The following BCHE variants were observed in gnomAD, a reference collection of about 807,000 sequenced individuals.
BCHE encodes the protein butyrylcholinesterase.
In BCHE, 48 loss-of-function variants were observed where a neutral mutation model predicts 51.3. The ratio of observed to expected loss-of-function variants is 0.94; its 90% CI spans 0.74 to 1.19. The LOEUF is 1.19. Among genes scored for constraint, BCHE ranks in the 50% most tolerant of loss-of-function variants. The pLI, the probability that BCHE is intolerant of heterozygous loss-of-function variation, is 0.00. For synonymous variants in BCHE, 251 were observed against 238.0 expected (o/e 1.05, Z -0.50); for missense variants, 847 against 708.2 (o/e 1.20, Z -2.23).
At chr3:165,829,383 AGCTTTGGTAC>A in intron 2 of BCHE, 124 bp downstream of exon 2, 1 of 813,904 alleles carries the variant, frequency 1.2e-6, no homozygotes, top group South Asian at 1.6e-5. Flanking sequence ...AAATAAAACC[AGCTTTGGTAC>A]AAATAGAACA....
At position 165,786,187 on chromosome 3, in the gene BCHE, G is replaced by T. The variant is rs747099939; in HGVS notation, c.1642C>A (p.Arg548=). The T allele has an allele frequency of 1.2e-6, 2 of 1,611,944 alleles. No homozygotes were observed. Among genetic ancestry groups the T allele is most frequent in the African/African-American group, 1.3e-5 (1 of 74,770 alleles). ...IMTKLRAQQC[R]FWTSFFPKVL... Reference sequence around the variant, plus strand: ...TTTGGAAAAAATGATGTCCAGAATCGACATTGTTGAGCACGTAGTTTCGTC... The same window carrying T: ...TTTGGAAAAAATGATGTCCAGAATCTACATTGTTGAGCACGTAGTTTCGTC... The change falls in exon 3 of 4, where the codon CGA becomes AGA. Residue 548 remains arginine (R), a synonymous_variant. Transcript: ENST00000264381.
chr3:165,797,182 CTCCTTCGTTCT>C (rs1713419235), intron 2 of BCHE, among the ~76,000 whole-genome samples: 1 of 100,784 alleles, frequency 9.9e-6, no homozygotes, highest in Non-Finnish European at 2.1e-5. Flanking sequence ...CCTTCCTTCC[CTCCTTCGTTCT>C]TCCCTCCCTT....
intron 2 of BCHE, among the ~76,000 whole-genome samples, chr3:165,806,422 C>T (rs1053264556): frequency 2.0e-5 from 3 of 152,124 alleles, no homozygotes; most frequent in Non-Finnish European, 2.9e-5. Flanking sequence ...GTATAGTTCT[C>T]ATTATGTGGT....
chr3:165,789,662 A>T (rs1484747804), intron 2 of BCHE, among the ~76,000 whole-genome samples: 1 of 152,172 alleles, frequency 6.6e-6, no homozygotes, highest in African/African-American at 2.4e-5. Context: ...AAAAGTCTAG[A>T]TGAAATCTTT....
At chr3:165,813,586 C>T (rs978777334) in intron 2 of BCHE, among the ~76,000 whole-genome samples, 3 of 151,726 alleles carry the variant, frequency 2.0e-5, no homozygotes, top group Admixed American at 6.6e-5. Context: ...CTTATCATTT[C>T]GATTCCTTTA....
chr3:165,773,773 T>C (rs557827842), intron 3 of BCHE, among the ~76,000 whole-genome samples: 53 of 138,398 alleles, frequency 3.8e-4, no homozygotes, highest in African/African-American at 1.3e-3. Flanking sequence ...ATATATTGTA[T>C]TATGTATAAT....
intron 2 of BCHE, among the ~76,000 whole-genome samples, chr3:165,819,065 T>A (rs1714413740): frequency 8.2e-6 from 1 of 122,552 alleles, no homozygotes; most frequent in South Asian, 2.8e-4. Flanking sequence ...GTGTTTAGGT[T>A]TTTAACTTCT....
At chr3:165,807,189 A>C (rs758077021) in intron 2 of BCHE, among the ~76,000 whole-genome samples, 47 of 152,132 alleles carry the variant, frequency 3.1e-4, no homozygotes, top group Admixed American at 6.5e-4. Flanking sequence ...GGTATTTTTT[A>C]TAAGTTCATT....
intron 3 of BCHE, among the ~76,000 whole-genome samples, chr3:165,779,991 A>G (rs766519137): frequency 1.3e-5 from 2 of 152,232 alleles, no homozygotes; most frequent in Non-Finnish European, 2.9e-5. Context: ...TGTAGGTATC[A>G]TGCTACCTGA....
Position 165,786,810 on chromosome 3 carries a change from A to G in BCHE, c.1518-499T>C, listed in dbSNP as rs560531514. Among the ~76,000 whole-genome samples the G allele has an allele frequency of 3.3e-5, 5 of 151,866 alleles. No homozygotes were observed. In the South Asian group the frequency reaches 1.0e-3, roughly 31 times the overall value. On this transcript the variant is annotated intron_variant, in intron 2 of 3. Coordinates refer to ENST00000264381, the MANE Select transcript of BCHE (RefSeq NM_000055.4). ...ATGTAATAATCTCATTACTCCAGGAAACTTCTTTCAGTCCCACTTTTAAGT... is the reference window on the plus strand; with the variant it reads ...ATGTAATAATCTCATTACTCCAGGAGACTTCTTTCAGTCCCACTTTTAAGT...
intron 3 of BCHE, among the ~76,000 whole-genome samples, chr3:165,783,382 G>A (rs13088444): frequency 0.65 from 99,089 of 151,892 alleles, 34,734 homozygotes; most frequent in East Asian, 0.78. Context: ...GTTATTCGAA[G>A]CCACTTGTTT....
At chr3:165,783,484 C>A (rs1442592737) in intron 3 of BCHE, among the ~76,000 whole-genome samples, 1 of 152,078 alleles carries the variant, frequency 6.6e-6, no homozygotes, top group East Asian at 1.9e-4. Flanking sequence ...ATCACCTTTG[C>A]ACTCCCTCAT....
At chr3:165,821,352 A>G (rs917823140) in intron 2 of BCHE, among the ~76,000 whole-genome samples, 1 of 151,840 alleles carries the variant, frequency 6.6e-6, no homozygotes, top group Non-Finnish European at 1.5e-5. Flanking sequence ...TTTAGAATGA[A>G]GTAGCACGAT....
chr3:165,817,717 T>C lies in BCHE; in HGVS notation c.1517+11800A>G, dbSNP rs988617580. 6.6e-5 allele frequency among the ~76,000 whole-genome samples: 10 copies of C among 152,242 alleles called. No individual in the cohort carries two copies. The South Asian group carries it at 2.1e-3, about 32-fold the overall frequency. On this transcript the variant is annotated intron_variant, in intron 2 of 3. Transcript: ENST00000264381. ...CACATTCTATCTGCATCTTGCTCTA[T>C]GCTTCTGTGTTTTATAGTTTTTCCA...
rs1387287796 is a variant in BCHE, at chr3:165,773,368, G to C, written c.*14C>G. 6.2e-7 allele frequency: 1 copy of C among 1,606,998 alleles called. No homozygotes were observed. The highest frequency in any genetic ancestry group is 8.5e-7 in the Non-Finnish European group (1 of 1,174,980). ...CTAAAGGAAAATATGTTCTATAAAG[G>C]GTAAATCTATTAATTAGAGACCCAC... On this transcript the variant is annotated 3_prime_UTR_variant, in exon 4 of 4. Coordinates refer to ENST00000264381, the MANE Select transcript of BCHE (RefSeq NM_000055.4).
At chr3:165,787,207 T>C (rs1712987880) in intron 2 of BCHE, among the ~76,000 whole-genome samples, 1 of 151,848 alleles carries the variant, frequency 6.6e-6, no homozygotes, top group Non-Finnish European at 1.5e-5. Flanking sequence ...AGTGTTGAGC[T>C]CATTTATACC....
chr3:165,823,349 C>A (rs924092522), intron 2 of BCHE, among the ~76,000 whole-genome samples: 1 of 152,040 alleles, frequency 6.6e-6, no homozygotes, highest in African/African-American at 2.4e-5. Flanking sequence ...AAAATACCAA[C>A]GGAGAGGAAA....
intron 3 of BCHE, among the ~76,000 whole-genome samples, chr3:165,774,218 T>C (rs1352069766): frequency 6.6e-6 from 1 of 152,194 alleles, no homozygotes; most frequent in East Asian, 1.9e-4. Flanking sequence ...GTTAAATCCA[T>C]GGATGTGTAA....
chr3:165,835,192 A>C (rs1715147550), intron 1 of BCHE, among the ~76,000 whole-genome samples: 1 of 56,170 alleles, frequency 1.8e-5, no homozygotes, highest in Non-Finnish European at 4.4e-5. Context: ...AAAAGGTGAC[A>C]AATCTTTTTT....
Sources: allele counts gnomAD v4.1 joint callset (sites outside exome capture counted in the v4.1 genomes callset), GRCh38; gene constraint gnomAD v4.1.1; transcripts MANE v1.5; gene names NCBI Gene and HGNC (gene_info 2026-07-23, HGNC 2026-07-21).